The following NOS2 variants were observed in gnomAD, a reference collection of about 807,000 sequenced individuals.
The protein encoded by NOS2 is nitric oxide synthase, inducible.
In NOS2, 96 loss-of-function variants were observed where a neutral mutation model predicts 136.0. The ratio of observed to expected loss-of-function variants is 0.71; its 90% CI spans 0.60 to 0.84. NOS2 has a LOEUF of 0.84. NOS2 is among the 40% of genes least tolerant of loss of function. The probability of loss-of-function intolerance (pLI) is 0.00; values close to 1 mark genes in which losing one functional copy is unlikely to be tolerated. For missense variants in NOS2, 1,237 were observed against 1,496.9 expected (o/e 0.83, Z 2.87); for synonymous variants, 539 against 587.5 (o/e 0.92, Z 1.20).
At position 27,766,549 on chromosome 17, in the gene NOS2, C is replaced by G; in HGVS notation, c.2207G>C (p.Arg736Thr). The change falls in exon 19 of 27, where the codon AGG (arginine) becomes ACG (threonine). Residue 736 changes from arginine to threonine, a missense_variant. Physicochemically the swap from Arg to Thr is moderately conservative, Grantham distance 71. Transcript: ENST00000313735. ...TTGTAGATTCTGCCGAGATTTGAGC[C>G]TCATGGTGAACACGTTCTTGGCATG... ...SMHAKNVFTMRLKSRQNLQSP... is the reference protein window; with the variant it reads ...SMHAKNVFTMTLKSRQNLQSP... 6.2e-7 allele frequency: 1 copy of G among 1,614,124 alleles called. No homozygotes were observed. The highest frequency in any genetic ancestry group is 8.5e-7 in the Non-Finnish European group (1 of 1,180,004).
At position 27,767,607 on chromosome 17, in the gene NOS2, T is replaced by C. The variant is rs900192853; in HGVS notation, c.2167+98A>G. 4.2e-5 allele frequency: 59 copies of C among 1,420,516 alleles called. No individual in the cohort carries two copies. In the African/African-American group the frequency reaches 7.0e-4, roughly 17 times the overall value. 88.0% of individuals were successfully genotyped at this position (1,420,516 alleles called of 1,614,324 possible). On this transcript the variant is annotated intron_variant, in intron 18 of 26. Transcript: ENST00000313735. The stretch of plus-strand genomic sequence containing the variant: ...GTGAGAGGGAGGCCCCGAGGCCAGC[T>C]GTCTCTGTTCAGAAAGACCTGGGGG...
At chr17:27,783,198 C>T (rs2142519139) in intron 5 of NOS2, 92 bp from the exon 6 acceptor site, 1 of 1,405,898 alleles carries the variant, frequency 7.1e-7, no homozygotes, top group East Asian at 2.3e-5. Flanking sequence ...TGAAATAGGA[C>T]ATCAGAAGGG....
chr17:27,762,820 G>C lies in NOS2; in HGVS notation c.2778C>G (p.Ala926=). The C allele has an allele frequency of 1.3e-6, 2 of 1,554,526 alleles. No individual in the cohort carries two copies. Among genetic ancestry groups the C allele is most frequent in the Non-Finnish European group, 1.7e-6 (2 of 1,149,928 alleles). ...HTPTEIHLTV[A]VVTYHTRDGQ... is the part of the protein sequence containing the mutation. ...CACCTCGGGTGTGGTAGGTGACCAC[G>C]GCCACAGTCAGGTGGATCTCTGTGG... Residue 926 remains alanine (A), a synonymous_variant, in exon 22 of 27, where the codon GCC becomes GCG. Coordinates refer to ENST00000313735, the MANE Select transcript of NOS2 (RefSeq NM_000625.4).
intron 7 of NOS2, among the ~76,000 whole-genome samples, chr17:27,781,625 A>G (rs1207877815): frequency 6.6e-6 from 1 of 152,208 alleles, no homozygotes; most frequent in East Asian, 1.9e-4. Context: ...AAAAAGATGA[A>G]TGAATGACCA....
chr17:27,783,898 G>C (rs1366090971), intron 5 of NOS2, among the ~76,000 whole-genome samples: 1 of 152,174 alleles, frequency 6.6e-6, no homozygotes, highest in Non-Finnish European at 1.5e-5. Context: ...CCCTTCTCAG[G>C]AGCCTGGTCA....
In NOS2 at chr17:27,756,850, C is replaced by G. The variant is rs199675913; in HGVS notation, c.*396G>C. 5.6e-6 allele frequency: 1 copy of G among 179,878 alleles called. No homozygotes were observed. The highest frequency in any genetic ancestry group is 2.4e-5 in the African/African-American group (1 of 42,464). The allele number at this position is 179,878 out of a possible 1,614,324, so 11.1% of individuals were successfully genotyped here. A position where few individuals can be genotyped will look rare whatever the true frequency, so the allele number is the denominator to read the frequency against. ...GACCCAAGTGGCCATGGGGAACAGA[C>G]TGGGTGTTAGTTTTTTAAATACAGA... On this transcript the variant is annotated 3_prime_UTR_variant, in exon 27 of 27. Coordinates refer to ENST00000313735, the MANE Select transcript of NOS2 (RefSeq NM_000625.4).
At chr17:27,773,979 C>T (rs966225000) in intron 12 of NOS2, among the ~76,000 whole-genome samples, 1 of 152,220 alleles carries the variant, frequency 6.6e-6, no homozygotes, top group Admixed American at 6.5e-5. Flanking sequence ...TGCTGAGTGA[C>T]TGTTGCCGGG....
intron 2 of NOS2, among the ~76,000 whole-genome samples, chr17:27,792,947 G>C (rs917214131): frequency 5.9e-5 from 9 of 151,594 alleles, no homozygotes; most frequent in African/African-American, 9.7e-5. Flanking sequence ...CCGAGACGGC[G>C]CCACTGTCGC....
At position 27,762,866 on chromosome 17, in the gene NOS2, C is replaced by G. The variant is rs750835926; in HGVS notation, c.2732G>C (p.Ser911Thr). Residue 911 changes from serine to threonine, a missense_variant, in exon 22 of 27, where the codon AGC (serine) becomes ACC (threonine). Around this residue, in one of 3 missense-constraint regions of NOS2, gnomAD observed 782 missense variants for 909.9 expected, o/e 0.86. Coordinates refer to ENST00000313735, the MANE Select transcript of NOS2 (RefSeq NM_000625.4). ...PILKPRFYSISSSRDHTPTEI... is the reference protein window; with the variant it reads ...PILKPRFYSITSSRDHTPTEI... ...TGTGGGCGTGTGATCCCGGGAGGAGCTGATGGAGTAGAACCTGGGCTTCAG... is the reference window on the plus strand; with the variant it reads ...TGTGGGCGTGTGATCCCGGGAGGAGGTGATGGAGTAGAACCTGGGCTTCAG... 2.0e-5 allele frequency: 32 copies of G among 1,580,582 alleles called. No individual in the cohort carries two copies. The highest frequency in any genetic ancestry group is 9.2e-5 in the East Asian group (4 of 43,666).
intron 2 of NOS2, 109 bp from the exon 3 acceptor site, chr17:27,789,797 A>C: frequency 2.7e-6 from 2 of 735,826 alleles, no homozygotes; most frequent in South Asian, 3.2e-5. Flanking sequence ...CTGAGTCCAG[A>C]GGGTGGGAGT....
In NOS2 at chr17:27,769,590, AAG is replaced by A; in HGVS notation, c.1810-8_1810-7del. ...AAGAGCGATTTCTTCAGTTTCTAGA[AAG>A]AGAGGGAATGACAGAGTTCTCAAGC... is the stretch of plus-strand genomic sequence containing the variant. On this transcript the variant is annotated splice_region_variant and splice_polypyrimidine_tract_variant and intron_variant, in intron 15 of 26. Transcript: ENST00000313735. 1 of 1,610,484 alleles carries A rather than the reference AAG, an allele frequency of 6.2e-7. No individual in the cohort carries two copies. The highest frequency in any genetic ancestry group is 8.5e-7 in the Non-Finnish European group (1 of 1,176,644).
intron 2 of NOS2, among the ~76,000 whole-genome samples, chr17:27,797,691 T>G (rs1043170457): frequency 6.6e-6 from 1 of 152,142 alleles, no homozygotes; most frequent in Non-Finnish European, 1.5e-5. Flanking sequence ...TTGGTTTCAG[T>G]TGCACTATTG....
Position 27,757,186 on chromosome 17 carries a change from T to C in NOS2, c.*60A>G, listed in dbSNP as rs1907952066. ...CCCCAGGCCCTGTGACCTCAGATAA[T>C]GCAGAGCTGGCTCCATCCTTAAGTT... is the stretch of plus-strand genomic sequence containing the variant. On this transcript the variant is annotated 3_prime_UTR_variant, in exon 27 of 27. Transcript: ENST00000313735. 2.2e-6 allele frequency: 3 copies of C among 1,368,072 alleles called. No homozygotes were observed. Among genetic ancestry groups the C allele is most frequent in the African/African-American group, 2.9e-5 (2 of 69,600 alleles). The allele number at this position is 1,368,072 out of a possible 1,614,324, so 84.7% of individuals were successfully genotyped here.
chr17:27,779,061 C>A lies in NOS2; in HGVS notation c.1005-5G>T. 1.3e-6 allele frequency: 2 copies of A among 1,487,956 alleles called. No homozygotes were observed. Among genetic ancestry groups the A allele is most frequent in the Non-Finnish European group, 1.8e-6 (2 of 1,115,876 alleles). 92.2% of individuals were successfully genotyped at this position (1,487,956 alleles called of 1,614,324 possible). A position where few individuals can be genotyped will look rare whatever the true frequency, so the allele number is the denominator to read the frequency against. ...AGTTCCCGAAACCACTCGTATCTGG[C>A]AAAAAGGTAGACACAATTTAACTGG... On this transcript the variant is annotated splice_polypyrimidine_tract_variant and splice_region_variant and intron_variant, in intron 9 of 26. Transcript: ENST00000313735.
Position 27,758,936 on chromosome 17 carries a change from G to A in NOS2, c.3299C>T (p.Ala1100Val). 2 of 1,611,488 alleles carry A rather than the reference G, an allele frequency of 1.2e-6. No homozygotes were observed. The highest frequency in any genetic ancestry group is 1.1e-5 in the South Asian group (1 of 90,820). ...DVAHTLKQLV[A>V]AKLKLNEEQV... ...CTCCTCATTCAATTTCAGCTTGGCA[G>A]CCACCAGCTGCTTCAGGGTGTGGGC... is the stretch of plus-strand genomic sequence containing the variant. Residue 1100 changes from alanine to valine, a missense_variant, in exon 26 of 27, where the codon GCT becomes GTT. By Grantham distance (64) the Ala-to-Val change is moderately conservative (BLOSUM62 0). Around this residue, in one of 3 missense-constraint regions of NOS2, gnomAD observed 782 missense variants for 909.9 expected, o/e 0.86. Coordinates refer to ENST00000313735, the MANE Select transcript of NOS2 (RefSeq NM_000625.4).
intron 2 of NOS2, 130 bp downstream of exon 2, chr17:27,798,570 C>G: frequency 1.5e-6 from 1 of 657,918 alleles, no homozygotes; most frequent in South Asian, 1.8e-5. Flanking sequence ...CAGGGACTTT[C>G]AAGAAGCAAT....
chr17:27,772,351 GC>G lies in NOS2; in HGVS notation c.1660del (p.Ala554ProfsTer24). 6.2e-7 allele frequency: 1 copy of G among 1,614,138 alleles called. No individual in the cohort carries two copies. Among genetic ancestry groups the G allele is most frequent in the South Asian group, 1.1e-5 (1 of 91,070 alleles). On this transcript the variant is annotated frameshift_variant, in exon 14 of 27. Transcript: ENST00000313735. LOFTEE classifies it high-confidence loss of function. ...GCTGAATAAGGCCCCCAGGTCCCAG[GC>G]CAGCGCCTCTGATTTTCCTGTCTCT... is the stretch of plus-strand genomic sequence containing the variant. ...ATETGKSEAL[A>X]WDLGALFSCA...
In NOS2 at chr17:27,774,351, C is replaced by A; in HGVS notation, c.1382G>T (p.Trp461Leu). The change falls in exon 12 of 27, where the codon TGG (tryptophan) becomes TTG (leucine). Residue 461 changes from tryptophan to leucine, a missense_variant. Coordinates refer to ENST00000313735, the MANE Select transcript of NOS2 (RefSeq NM_000625.4). ...YRSRGGCPAD[W>L]IWLVPPMSGS... ...AGACATGGGAGGGACCAGCCAAATC[C>A]AGTCTGCCGGGCAGCCCCCACGGGA... The A allele has an allele frequency of 6.3e-7, 1 of 1,585,060 alleles. No homozygotes were observed. Among genetic ancestry groups the A allele is most frequent in the South Asian group, 1.2e-5 (1 of 86,518 alleles).
chr17:27,770,488 G>GTAAA (rs138657094), intron 15 of NOS2, among the ~76,000 whole-genome samples: 9 of 152,016 alleles, frequency 5.9e-5, no homozygotes, highest in East Asian at 1.9e-4. Flanking sequence ...CTCCACCTAA[G>GTAAA]TAAATAAATA....
Sources: gnomAD v4.1 joint callset for allele counts (sites outside exome capture counted in the v4.1 genomes callset) on GRCh38, gnomAD v4.1.1 for gene constraint, gnomAD v4.1.1 regional missense constraint, MANE v1.5 for transcripts, NCBI Gene and HGNC (gene_info 2026-07-23, HGNC 2026-07-21) for gene names.